Variants in PXDNL observed in about 807,000 individuals in gnomAD.
PXDNL encodes the protein probable oxidoreductase PXDNL.
PXDNL carries 145 observed loss-of-function variants against 150.8 expected under a neutral mutation model. The observed-to-expected ratio is 0.96, with a 90% CI of 0.84 to 1.10. The LOEUF (loss-of-function observed/expected upper bound fraction) is 1.10, where lower values mean the gene tolerates loss of function less well. Among genes scored for constraint, PXDNL ranks in the 50% least tolerant of loss-of-function variants. The pLI, the probability that PXDNL is intolerant of heterozygous loss-of-function variation, is 0.00. For synonymous variants in PXDNL, 757 were observed against 725.7 expected, an observed-to-expected ratio of 1.04 and a Z score of -0.69; for missense variants, 2,087 against 1,873.9, an observed-to-expected ratio of 1.11 and a Z score of -2.10.
chr8:51,743,304 G>A (rs917567683), intron 1 of PXDNL, among the ~76,000 whole-genome samples: 1 of 151,914 alleles, frequency 6.6e-6, no homozygotes, highest in Admixed American at 6.6e-5. Context: ...TGTAACCTCC[G>A]CCTCCCGGGT....
At position 51,426,753 on chromosome 8, in the gene PXDNL, C is replaced by A. The variant is rs763411519; in HGVS notation, c.1531G>T (p.Ala511Ser). 7.0e-6 allele frequency: 11 copies of A among 1,578,682 alleles called. No individual in the cohort carries two copies. Among genetic ancestry groups the A allele is most frequent in the Non-Finnish European group, 9.5e-6 (11 of 1,156,036 alleles). The change falls in exon 13 of 23, where the codon GCA becomes TCA. Residue 511 changes from alanine (A) to serine (S), a missense_variant. By Grantham distance (99) the Ala-to-Ser change is moderately conservative (BLOSUM62 1). Coordinates refer to ENST00000356297, the MANE Select transcript of PXDNL (RefSeq NM_144651.5). ...TCCTGAGGAAGTTGAGTAAACACTGCAAGAGCTGTGGAAACAAACCAAAAT... is the reference window on the plus strand; with the variant it reads ...TCCTGAGGAAGTTGAGTAAACACTGAAAGAGCTGTGGAAACAAACCAAAAT... ...VQLTVKPKAL[A>S]VFTQLPQDTS... is the part of the protein sequence containing the mutation.
intron 1 of PXDNL, among the ~76,000 whole-genome samples, chr8:51,694,172 A>G (rs1816064075): frequency 6.6e-6 from 1 of 152,158 alleles, no homozygotes; most frequent in Admixed American, 6.5e-5. Flanking sequence ...AACTTTGCCA[A>G]AATGGTGAAA....
chr8:51,348,634 A>T (rs2130710105), intron 19 of PXDNL, among the ~76,000 whole-genome samples: 1 of 152,326 alleles, frequency 6.6e-6, no homozygotes, highest in African/African-American at 2.4e-5. Flanking sequence ...TCTTATATAA[A>T]TATATACATA....
At chr8:51,447,302 G>A (rs1169971915) in intron 11 of PXDNL, 140 bp from the exon 12 acceptor site, 9 of 728,944 alleles carry the variant, frequency 1.2e-5, no homozygotes, top group Non-Finnish European at 1.7e-5. Context: ...TTGTGCCCTA[G>A]GATTGCAACC....
At chr8:51,532,410 T>TAG (rs1205982640) in intron 4 of PXDNL, among the ~76,000 whole-genome samples, 2 of 152,218 alleles carry the variant, frequency 1.3e-5, no homozygotes, top group African/African-American at 4.8e-5. Context: ...TTCTACAACC[T>TAG]TTCTGACAGC....
chr8:51,396,224 G>A (rs542731645), intron 17 of PXDNL, among the ~76,000 whole-genome samples: 1 of 152,224 alleles, frequency 6.6e-6, no homozygotes, highest in South Asian at 2.1e-4. Context: ...GATTTGGATG[G>A]ATGGCTAAAC....
rs772461257 is a variant in PXDNL at position 51,320,045 on chromosome 8, C to A, written c.4261-23G>T. The A allele has an allele frequency of 2.1e-6, 3 of 1,410,458 alleles. No individual in the cohort carries two copies. The East Asian group carries it at 7.7e-5, about 36-fold the overall frequency. The allele number at this position is 1,410,458 out of a possible 1,614,324, so 87.4% of individuals were successfully genotyped here. Reference sequence around the variant, plus strand: ...ACTCTGAAAGGCAGCATGCACATATCACCTCCATGTTTCTTATAATCAAAG... The same window carrying A: ...ACTCTGAAAGGCAGCATGCACATATAACCTCCATGTTTCTTATAATCAAAG... On this transcript the variant is annotated intron_variant, in intron 22 of 22. Coordinates refer to ENST00000356297, the MANE Select transcript of PXDNL (RefSeq NM_144651.5).
intron 1 of PXDNL, among the ~76,000 whole-genome samples, chr8:51,718,934 G>A (rs1043269257): frequency 1.5e-4 from 23 of 151,982 alleles, no homozygotes; most frequent in South Asian, 2.1e-4. Flanking sequence ...CGCCCCGTCC[G>A]GGAGGGAGGC....
intron 1 of PXDNL, among the ~76,000 whole-genome samples, chr8:51,794,111 A>G (rs1163890370): frequency 6.6e-6 from 1 of 152,058 alleles, no homozygotes; most frequent in African/African-American, 2.4e-5. Flanking sequence ...GGCAGACAAG[A>G]TTAGAGAGAA....
chr8:51,489,772 A>G (rs567910464), intron 5 of PXDNL, among the ~76,000 whole-genome samples: 1 of 152,318 alleles, frequency 6.6e-6, no homozygotes, highest in African/African-American at 2.4e-5. Flanking sequence ...ACAACCTATC[A>G]ACTAATTATG....
chr8:51,577,987 GAAAGAAAGAAAGAGGA>G (rs1563471100), intron 3 of PXDNL, among the ~76,000 whole-genome samples: 465 of 70,388 alleles, frequency 6.6e-3, no homozygotes, highest in Non-Finnish European at 8.8e-3. Flanking sequence ...AAGAAAGAAA[GAAAGAAAGAAAGAGGA>G]AGGAAGGAAG....
chr8:51,386,180 C>T (rs926255434), intron 17 of PXDNL, among the ~76,000 whole-genome samples: 1 of 152,032 alleles, frequency 6.6e-6, no homozygotes, highest in Non-Finnish European at 1.5e-5. Context: ...ACAACCTCTG[C>T]CTCCCAGGTT....
chr8:51,406,138 T>C (rs1301958290), intron 17 of PXDNL, among the ~76,000 whole-genome samples: 2 of 152,188 alleles, frequency 1.3e-5, no homozygotes, highest in Non-Finnish European at 2.9e-5. Flanking sequence ...GACAGGAAAT[T>C]TGTAAGAAGA....
At chr8:51,793,726 T>G (rs1585754848) in intron 1 of PXDNL, among the ~76,000 whole-genome samples, 2 of 152,024 alleles carry the variant, frequency 1.3e-5, no homozygotes, top group Non-Finnish European at 2.9e-5. Context: ...CCGTCTGTAC[T>G]AAAAATACAA....
chr8:51,470,135 T>C (rs1304049063), intron 8 of PXDNL, among the ~76,000 whole-genome samples: 3 of 152,106 alleles, frequency 2.0e-5, no homozygotes, highest in South Asian at 2.1e-4. Flanking sequence ...AAAGCAGTTT[T>C]AAGACATTAC....
chr8:51,794,584 A>G, intron 1 of PXDNL, among the ~76,000 whole-genome samples: 1 of 152,180 alleles, frequency 6.6e-6, no homozygotes, highest in East Asian at 1.9e-4. Flanking sequence ...AAGGAGAAAT[A>G]AAATCCTTTT....
chr8:51,700,569 T>C (rs7830876), intron 1 of PXDNL, among the ~76,000 whole-genome samples: 128,473 of 151,574 alleles, frequency 0.85, 54,812 homozygotes, highest in African/African-American at 0.95. Flanking sequence ...CACATTTACA[T>C]ATATACCCAT....
Position 51,395,374 on chromosome 8 carries a change from T to C in PXDNL, c.3557+12693A>G, listed in dbSNP as rs1586067639. ...GCAGGTATGGTGTTCAATTCACTTG[T>C]GCTGCCTCTCCCTCAAATTCTGGTT... On this transcript the variant is annotated intron_variant, in intron 17 of 22. Coordinates refer to ENST00000356297, the MANE Select transcript of PXDNL (RefSeq NM_144651.5). 2.0e-5 allele frequency among the ~76,000 whole-genome samples: 3 copies of C among 152,334 alleles called. No homozygotes were observed. In the South Asian group the frequency reaches 6.2e-4, roughly 32 times the overall value.
At chr8:51,568,497 G>A (rs1409042807) in intron 3 of PXDNL, among the ~76,000 whole-genome samples, 1 of 151,748 alleles carries the variant, frequency 6.6e-6, no homozygotes, top group African/African-American at 2.4e-5. Flanking sequence ...TCCTATACAG[G>A]TAAGGTGTTT....
Sources: allele counts gnomAD v4.1 joint callset (sites outside exome capture counted in the v4.1 genomes callset), GRCh38; gene constraint gnomAD v4.1.1; transcripts MANE v1.5; gene names NCBI Gene and HGNC (gene_info 2026-07-23, HGNC 2026-07-21).